ATF7IP2: variants seen among roughly 807,000 people sequenced by gnomAD.
ATF7IP2 encodes the protein activating transcription factor 7-interacting protein 2.
ATF7IP2 carries 42 observed loss-of-function variants against 64.2 expected under a neutral mutation model. The ratio of observed to expected loss-of-function variants is 0.65; its 90% CI spans 0.51 to 0.85. ATF7IP2 has a LOEUF of 0.85. Ranked by LOEUF, ATF7IP2 falls within the 40% of genes least tolerant of loss-of-function variation. ATF7IP2 has a pLI of 0.00. For missense variants in ATF7IP2, 933 were observed against 784.2 expected, an observed-to-expected ratio of 1.19 and a Z score of -2.27; for synonymous variants, 308 against 272.8, an observed-to-expected ratio of 1.13 and a Z score of -1.27.
chr16:10,437,823 T>A (rs1009025922), intron 6 of ATF7IP2, among the ~76,000 whole-genome samples: 1 of 152,200 alleles, frequency 6.6e-6, no homozygotes, highest in African/African-American at 2.4e-5. Context: ...ATGTATAGTA[T>A]GGAATTCAAG....
At chr16:10,401,344 A>G (rs1457653600) in intron 1 of ATF7IP2, among the ~76,000 whole-genome samples, 1 of 151,132 alleles carries the variant, frequency 6.6e-6, no homozygotes, top group Non-Finnish European at 1.5e-5. Context: ...ATTTTTTTGT[A>G]TTTTTAGTAA....
intron 7 of ATF7IP2, among the ~76,000 whole-genome samples, 175 bp from the exon 8 acceptor site, chr16:10,440,189 T>G (rs2048566810): frequency 6.9e-6 from 1 of 145,566 alleles, no homozygotes; most frequent in African/African-American, 2.4e-5. Flanking sequence ...TTTATATATA[T>G]GTATATGTTA....
chr16:10,461,098 A>T (rs914516586), intron 9 of ATF7IP2, among the ~76,000 whole-genome samples: 4 of 152,218 alleles, frequency 2.6e-5, no homozygotes, highest in Non-Finnish European at 5.9e-5. Context: ...AAAGGTGTTT[A>T]TCTTCATTAG....
chr16:10,390,226 C>A (rs1469212030), intron 1 of ATF7IP2, among the ~76,000 whole-genome samples: 1 of 151,936 alleles, frequency 6.6e-6, no homozygotes, highest in Non-Finnish European at 1.5e-5. Flanking sequence ...CAGGAAAAAA[C>A]CCAACTAAAT....
chr16:10,441,618 AAGTTCTTT>A (rs1567467577), intron 8 of ATF7IP2, among the ~76,000 whole-genome samples: 1 of 151,912 alleles, frequency 6.6e-6, no homozygotes, highest in African/African-American at 2.4e-5. Flanking sequence ...TTGTAAATTT[AAGTTCTTT>A]ATAGATTCTG....
chr16:10,441,342 T>C (rs146092058), intron 8 of ATF7IP2, among the ~76,000 whole-genome samples: 1 of 152,304 alleles, frequency 6.6e-6, no homozygotes, highest in East Asian at 1.9e-4. Context: ...TCTTCCACAA[T>C]GGTTGAACTA....
intron 3 of ATF7IP2, among the ~76,000 whole-genome samples, chr16:10,424,751 T>C (rs1378597761): frequency 6.6e-6 from 1 of 152,194 alleles, no homozygotes; most frequent in Non-Finnish European, 1.5e-5. Flanking sequence ...TCAACATCAT[T>C]AGCCGTCAGG....
At chr16:10,437,329 A>G (rs2048455588) in intron 6 of ATF7IP2, among the ~76,000 whole-genome samples, 1 of 152,100 alleles carries the variant, frequency 6.6e-6, no homozygotes, top group South Asian at 2.1e-4. Flanking sequence ...GGCTTCTTTC[A>G]GTTTTAGCAC....
chr16:10,463,036 T>C (rs2049426090), intron 9 of ATF7IP2, among the ~76,000 whole-genome samples: 1 of 152,224 alleles, frequency 6.6e-6, no homozygotes, highest in African/African-American at 2.4e-5. Context: ...TGAAATTCTT[T>C]ACCTTGCCAT....
At chr16:10,390,976 A>G (rs79074195) in intron 1 of ATF7IP2, among the ~76,000 whole-genome samples, 2,566 of 152,224 alleles carry the variant, frequency 0.017, 94 homozygotes, top group Admixed American at 0.076. Context: ...CAGCCTGGGC[A>G]GCATAATGAG....
intron 3 of ATF7IP2, among the ~76,000 whole-genome samples, chr16:10,423,670 A>T (rs569612197): frequency 2.0e-5 from 3 of 152,232 alleles, no homozygotes; most frequent in African/African-American, 7.2e-5. Context: ...GGTAGGGACA[A>T]ACCTCTCCCT....
intron 1 of ATF7IP2, among the ~76,000 whole-genome samples, chr16:10,404,953 G>C (rs2047606476): frequency 6.6e-6 from 1 of 152,194 alleles, no homozygotes; most frequent in Non-Finnish European, 1.5e-5. Context: ...ACTAGATTAA[G>C]CTTCATAAAT....
At chr16:10,478,811 A>G (rs547880404) in intron 12 of ATF7IP2, among the ~76,000 whole-genome samples, 28 of 152,360 alleles carry the variant, frequency 1.8e-4, no homozygotes, top group African/African-American at 6.7e-4. Context: ...TTCACAAGAA[A>G]AAAACAACCC....
intron 12 of ATF7IP2, among the ~76,000 whole-genome samples, chr16:10,475,241 G>C (rs58974131): frequency 0.02 from 3,107 of 152,312 alleles, 44 homozygotes; most frequent in South Asian, 0.05. Context: ...TTGGAAGTAT[G>C]CTGTTACAAG....
At chr16:10,459,074 C>T (rs2049281817) in intron 9 of ATF7IP2, among the ~76,000 whole-genome samples, 1 of 152,104 alleles carries the variant, frequency 6.6e-6, no homozygotes, top group Non-Finnish European at 1.5e-5. Flanking sequence ...TGGCTCATGC[C>T]TGTAATCCCA....
At chr16:10,467,001 G>A (rs2049598511) in intron 9 of ATF7IP2, among the ~76,000 whole-genome samples, 1 of 151,492 alleles carries the variant, frequency 6.6e-6, no homozygotes, top group African/African-American at 2.4e-5. Flanking sequence ...CTGAAAAATT[G>A]TTGAGGCTGT....
Position 10,473,998 on chromosome 16 carries a change from A to AT in ATF7IP2, c.1549+15dup, listed in dbSNP as rs2049909216. 3 of 1,557,742 alleles carry AT rather than the reference A, an allele frequency of 1.9e-6. No individual in the cohort carries two copies. The highest frequency in any genetic ancestry group is 2.6e-6 in the Non-Finnish European group (3 of 1,137,250). ...ATCCAACTGCAATACAGGTAAAAGG[A>AT]TTTTTTAGATCTTTCTTTTGTAAAA... is the stretch of plus-strand genomic sequence containing the variant. On this transcript the variant is annotated intron_variant, in intron 12 of 13. Coordinates refer to ENST00000562102, the MANE Select transcript of ATF7IP2 (RefSeq NM_001393719.1).
intron 6 of ATF7IP2, among the ~76,000 whole-genome samples, chr16:10,437,686 GACCA>G (rs1320311007): frequency 6.6e-6 from 1 of 152,168 alleles, no homozygotes; most frequent in Non-Finnish European, 1.5e-5. Context: ...ATCTACTACA[GACCA>G]ACCAACCATT....
chr16:10,398,726 T>C (rs532402453), intron 1 of ATF7IP2, among the ~76,000 whole-genome samples: 1 of 152,248 alleles, frequency 6.6e-6, no homozygotes, highest in Non-Finnish European at 1.5e-5. Flanking sequence ...CTAAGACTCA[T>C]TTAAGGAAGG....
Sources: allele counts gnomAD v4.1 joint callset (sites outside exome capture counted in the v4.1 genomes callset), GRCh38; gene constraint gnomAD v4.1.1; transcripts MANE v1.5; gene names NCBI Gene and HGNC (gene_info 2026-07-23, HGNC 2026-07-21).